Variants in XYLT1 observed in about 807,000 individuals in gnomAD.
XYLT1 encodes beta-D-xylosyltransferase 1.
In XYLT1, 36 loss-of-function variants were observed where a neutral mutation model predicts 91.3. That is an observed-to-expected ratio of 0.39 (90% CI 0.30 to 0.52). The LOEUF (loss-of-function observed/expected upper bound fraction) is 0.52. Ranked by LOEUF, XYLT1 falls within the 20% of genes least tolerant of loss-of-function variation. The pLI is 0.68. For missense variants in XYLT1, 1,242 were observed against 1,284.5 expected (o/e 0.97, Z 0.51); for synonymous variants, 588 against 532.0 (o/e 1.11, Z -1.45).
chr16:17,320,671 G>A (rs557001121), intron 2 of XYLT1, among the ~76,000 whole-genome samples: 4 of 151,238 alleles, frequency 2.6e-5, no homozygotes, highest in Non-Finnish European at 4.4e-5. Flanking sequence ...TAGTATAGAC[G>A]CGGTTTCACC....
intron 9 of XYLT1, 30 bp downstream of exon 9, chr16:17,134,443 T>C (rs775309533): frequency 6.2e-7 from 1 of 1,610,734 alleles, no homozygotes; most frequent in South Asian, 1.1e-5. Flanking sequence ...GCTTCTCAGC[T>C]CTCCTCTCTG....
At chr16:17,409,959 T>C (rs1410474139) in intron 1 of XYLT1, among the ~76,000 whole-genome samples, 1 of 152,148 alleles carries the variant, frequency 6.6e-6, no homozygotes, top group East Asian at 1.9e-4. Flanking sequence ...TGCAAGATGA[T>C]GTATAGGATG....
At chr16:17,248,529 T>C (rs894374150) in intron 3 of XYLT1, among the ~76,000 whole-genome samples, 8 of 152,218 alleles carry the variant, frequency 5.3e-5, no homozygotes, top group African/African-American at 1.9e-4. Flanking sequence ...TTAACCTTTT[T>C]GCTTATAGGA....
chr16:17,179,068 C>CA lies in XYLT1; in HGVS notation c.1289+19143dup, dbSNP rs78766186. Among the ~76,000 whole-genome samples the CA allele has an allele frequency of 9.3e-3, 1,116 of 119,412 alleles. 10 individuals carry two copies. The highest frequency in any genetic ancestry group is 0.03 in the South Asian group (110 of 3,672). The allele number at this position is 119,412 out of a possible 152,430, so 78.3% of individuals were successfully genotyped here. Reference sequence around the variant, plus strand: ...AGGGTGACAGAATGAGACCCTGTCTCAAAAAAAAAAAAAAAGTTTGTTGAA... The same window carrying CA: ...AGGGTGACAGAATGAGACCCTGTCTCAAAAAAAAAAAAAAAAGTTTGTTGAA... On this transcript the variant is annotated intron_variant, in intron 5 of 11. Coordinates refer to ENST00000261381, the MANE Select transcript of XYLT1 (RefSeq NM_022166.4).
At chr16:17,422,209 T>C (rs1487780376) in intron 1 of XYLT1, among the ~76,000 whole-genome samples, 1 of 151,958 alleles carries the variant, frequency 6.6e-6, no homozygotes, top group Admixed American at 6.6e-5. Flanking sequence ...CTTTTTAATC[T>C]TTGTAGAGGT....
At position 17,465,958 on chromosome 16, in the gene XYLT1, G is replaced by A. The variant is rs2036891323; in HGVS notation, c.363+4476C>T. On this transcript the variant is annotated intron_variant, in intron 1 of 11. Transcript: ENST00000261381. ...GATTAGGGGCATGAGAAAGGGCCGAGCCAGGAGGTGAACCCAGGTATGTCA... is the reference window on the plus strand; with the variant it reads ...GATTAGGGGCATGAGAAAGGGCCGAACCAGGAGGTGAACCCAGGTATGTCA... 2.6e-5 allele frequency among the ~76,000 whole-genome samples: 4 copies of A among 152,162 alleles called. No individual in the cohort carries two copies. The South Asian group carries it at 8.3e-4, about 32-fold the overall frequency.
chr16:17,129,608 T>G (rs2030395161), intron 9 of XYLT1, among the ~76,000 whole-genome samples: 1 of 152,212 alleles, frequency 6.6e-6, no homozygotes, highest in East Asian at 1.9e-4. Context: ...ACAGGTGGTG[T>G]TTGGTTGCAT....
chr16:17,427,350 G>A (rs2036331941), intron 1 of XYLT1, among the ~76,000 whole-genome samples: 1 of 152,262 alleles, frequency 6.6e-6, no homozygotes. Context: ...CTAGGCTGGT[G>A]TGCAGTGGTG....
At position 17,172,466 on chromosome 16, in the gene XYLT1, C is replaced by CTTTTTTTT. The variant is rs1157952692; in HGVS notation, c.1290-13565_1290-13558dup. Among the ~76,000 whole-genome samples, 18 of 102,632 alleles carry CTTTTTTTT rather than the reference C, an allele frequency of 1.8e-4. 1 individual carries two copies. The highest frequency in any genetic ancestry group is 5.9e-4 in the East Asian group (2 of 3,398). The allele number at this position is 102,632 out of a possible 152,430, so 67.3% of individuals were successfully genotyped here. A position where few individuals can be genotyped will look rare whatever the true frequency, so the allele number is the denominator to read the frequency against. ...TATGTGCCAAAGACTGCGTTCATTTCTTTTTTTTTTTTTTTTTTTTTTGAG... is the reference window on the plus strand; with the variant it reads ...TATGTGCCAAAGACTGCGTTCATTTCTTTTTTTTTTTTTTTTTTTTTTTTTTTTTTGAG... On this transcript the variant is annotated intron_variant, in intron 5 of 11. Coordinates refer to ENST00000261381, the MANE Select transcript of XYLT1 (RefSeq NM_022166.4).
In XYLT1 at chr16:17,107,901, G is replaced by A. The variant is rs1344586853; in HGVS notation, c.*794C>T. 1 of 152,728 alleles carries A rather than the reference G, an allele frequency of 6.5e-6. No homozygotes were observed. The highest frequency in any genetic ancestry group is 6.5e-5 in the Admixed American group (1 of 15,280). The allele number at this position is 152,728 out of a possible 1,614,324, so 9.5% of individuals were successfully genotyped here. ...TTGAGGGAAGGAGGCCCAGACCCCTGGACAGGTGGCAGTTGCACTTGTGGC... is the reference window on the plus strand; with the variant it reads ...TTGAGGGAAGGAGGCCCAGACCCCTAGACAGGTGGCAGTTGCACTTGTGGC... On this transcript the variant is annotated 3_prime_UTR_variant, in exon 12 of 12. Transcript: ENST00000261381.
intron 1 of XYLT1, among the ~76,000 whole-genome samples, chr16:17,363,696 C>T (rs994671885): frequency 2.6e-5 from 4 of 152,152 alleles, no homozygotes; most frequent in Admixed American, 6.5e-5. Flanking sequence ...GTTGCCACCA[C>T]GCCCAGCTAA....
At chr16:17,407,778 T>G (rs1006899025) in intron 1 of XYLT1, among the ~76,000 whole-genome samples, 2 of 152,246 alleles carry the variant, frequency 1.3e-5, no homozygotes, top group South Asian at 4.1e-4. Context: ...ATGGCTTAGA[T>G]GTGTGTCCCC....
At chr16:17,200,134 T>C (rs1170085818) in intron 4 of XYLT1, among the ~76,000 whole-genome samples, 4 of 151,450 alleles carry the variant, frequency 2.6e-5, no homozygotes, top group Non-Finnish European at 5.9e-5. Context: ...GGCAGGAAAA[T>C]TGCTTGAACC....
At chr16:17,368,833 C>T (rs2035489117) in intron 1 of XYLT1, among the ~76,000 whole-genome samples, 1 of 152,078 alleles carries the variant, frequency 6.6e-6, no homozygotes, top group South Asian at 2.1e-4. Context: ...ATCCTACTGC[C>T]TTGGCCTCCC....
At chr16:17,191,689 C>T (rs906409173) in intron 5 of XYLT1, among the ~76,000 whole-genome samples, 1 of 152,202 alleles carries the variant, frequency 6.6e-6, no homozygotes, top group Non-Finnish European at 1.5e-5. Context: ...GCCCTGGCCA[C>T]CTGTTCCTGT....
intron 2 of XYLT1, among the ~76,000 whole-genome samples, chr16:17,335,244 C>CAA (rs35572877): frequency 5.4e-5 from 8 of 147,310 alleles, no homozygotes; most frequent in African/African-American, 2.0e-4. Context: ...CAATAACAAA[C>CAA]AAAAAAAAAA....
chr16:17,374,553 T>A (rs2035572349), intron 1 of XYLT1, among the ~76,000 whole-genome samples: 1 of 151,882 alleles, frequency 6.6e-6, no homozygotes, highest in Non-Finnish European at 1.5e-5. Flanking sequence ...TTTTTAGGGA[T>A]CATGATATAA....
chr16:17,201,149 G>A (rs1030627070), intron 3 of XYLT1, among the ~76,000 whole-genome samples: 4 of 152,198 alleles, frequency 2.6e-5, no homozygotes, highest in Non-Finnish European at 5.9e-5. Context: ...ATGTTTAAGT[G>A]TACACTACAG....
At chr16:17,149,877 T>C (rs774779882) in intron 6 of XYLT1, among the ~76,000 whole-genome samples, 1 of 152,178 alleles carries the variant, frequency 6.6e-6, no homozygotes, top group Non-Finnish European at 1.5e-5. Flanking sequence ...TCAAATGAGA[T>C]TGTATACAGG....
Sources: allele counts gnomAD v4.1 joint callset (sites outside exome capture counted in the v4.1 genomes callset), GRCh38; gene constraint gnomAD v4.1.1; transcripts MANE v1.5; gene names NCBI Gene and HGNC (gene_info 2026-07-23, HGNC 2026-07-21).